Variants in N4BP2L2 observed in about 807,000 individuals in gnomAD.
The protein encoded by N4BP2L2 is NEDD4 binding protein 2 like 2.
Under a neutral mutation model 56.2 loss-of-function variants are expected in N4BP2L2, and 50 were observed. The observed-to-expected ratio is 0.89, with a 90% CI of 0.71 to 1.13. The LOEUF is 1.13. N4BP2L2 is among the 50% of genes most tolerant of loss of function. The pLI, the probability that N4BP2L2 is intolerant of heterozygous loss-of-function variation, is 0.00. For missense variants in N4BP2L2, 689 were observed against 693.8 expected (o/e 0.99, Z 0.08); for synonymous variants, 203 against 223.6 (o/e 0.91, Z 0.82).
chr13:32,516,898 T>C, exon 6 of N4BP2L2: 1 of 984,810 alleles, frequency 1.0e-6, no homozygotes, highest in South Asian at 4.7e-5. Context: ...TGAAATGAAT[T>C]CCATCTCAGT....
At chr13:32,524,546 T>G (rs1256157506) in intron 3 of N4BP2L2, 1 of 152,162 alleles carries the variant, frequency 6.6e-6, no homozygotes, top group Admixed American at 6.5e-5. Context: ...TTTGGAGATG[T>G]TTTCGATTTT....
At chr13:32,492,010 G>T (rs1229306843) in intron 6 of N4BP2L2, among the ~76,000 whole-genome samples, 1 of 152,092 alleles carries the variant, frequency 6.6e-6, no homozygotes, top group Non-Finnish European at 1.5e-5. Flanking sequence ...ATAGAAAAAA[G>T]ATTTCCTTTG....
intron 3 of N4BP2L2, chr13:32,523,364 C>T (rs1399282517): frequency 6.8e-6 from 1 of 146,084 alleles, no homozygotes; most frequent in South Asian, 2.2e-4. Flanking sequence ...AGCACTACAG[C>T]CTGAGCAAAG....
At chr13:32,481,222 A>G (rs1051778660) in intron 6 of N4BP2L2, among the ~76,000 whole-genome samples, 3 of 151,382 alleles carry the variant, frequency 2.0e-5, no homozygotes, top group Admixed American at 2.0e-4. Context: ...CACATCTATT[A>G]ATCAAAATTT....
chr13:32,464,673 A>G (rs911125686), intron 6 of N4BP2L2, among the ~76,000 whole-genome samples: 2 of 152,328 alleles, frequency 1.3e-5, no homozygotes, highest in Non-Finnish European at 1.5e-5. Flanking sequence ...AAATCCCCCT[A>G]TTTGAAATAT....
At chr13:32,481,187 C>G (rs185250988) in intron 6 of N4BP2L2, among the ~76,000 whole-genome samples, 387 of 144,092 alleles carry the variant, frequency 2.7e-3, no homozygotes, top group Middle Eastern at 0.012. Flanking sequence ...CTTTAAAAGT[C>G]CCCTAAATAT....
intron 3 of N4BP2L2, among the ~76,000 whole-genome samples, chr13:32,526,339 G>A (rs1363270660): frequency 6.6e-6 from 1 of 152,178 alleles, no homozygotes; most frequent in African/African-American, 2.4e-5. Context: ...AACAACAGAG[G>A]AGATTCAATT....
chr13:32,489,344 G>A (rs538925464), intron 6 of N4BP2L2, among the ~76,000 whole-genome samples: 1 of 152,144 alleles, frequency 6.6e-6, no homozygotes, highest in Non-Finnish European at 1.5e-5. Context: ...GTTAACTATT[G>A]CCAGTAATAA....
At chr13:32,457,796 C>T (rs766516529) in intron 6 of N4BP2L2, among the ~76,000 whole-genome samples, 2 of 152,122 alleles carry the variant, frequency 1.3e-5, no homozygotes, top group African/African-American at 2.4e-5. Flanking sequence ...ATAAAACTCA[C>T]TGGTAGAGCA....
chr13:32,507,166 C>G (rs917547448), downstream of N4BP2L2: 2 of 152,118 alleles, frequency 1.3e-5, no homozygotes, highest in African/African-American at 4.8e-5. Context: ...TCTCAACTTT[C>G]TAGCTTACAG....
At chr13:32,436,369 G>C in exon 9 of N4BP2L2, 1 of 1,221,046 alleles carries the variant, frequency 8.2e-7, no homozygotes, top group South Asian at 1.5e-5. Context: ...ACAGTTCAAG[G>C]AATTTTCATT....
chr13:32,472,577 C>A (rs1042407525), intron 6 of N4BP2L2, among the ~76,000 whole-genome samples: 14 of 152,110 alleles, frequency 9.2e-5, no homozygotes, highest in African/African-American at 3.4e-4. Flanking sequence ...AAAGCTCCTC[C>A]CTAGAGTAAC....
At chr13:32,507,422 T>C (rs927470827), downstream of N4BP2L2, 5 of 152,230 alleles carry the variant, frequency 3.3e-5, no homozygotes, top group South Asian at 8.3e-4. Context: ...GCTCCTACAG[T>C]ACTACAGGCA....
downstream of N4BP2L2, chr13:32,508,430 G>A (rs1024822981): frequency 2.2e-4 from 33 of 152,110 alleles, no homozygotes; most frequent in African/African-American, 7.0e-4. Context: ...TTCCTGAGAA[G>A]GAAAGAGATG....
chr13:32,442,560 A>G (rs1364450443), exon 7 of N4BP2L2: 4 of 1,613,924 alleles, frequency 2.5e-6, no homozygotes, highest in Non-Finnish European at 2.5e-6. Context: ...TTTCATTTAA[A>G]AAGTGAAAAT....
intron 6 of N4BP2L2, among the ~76,000 whole-genome samples, chr13:32,454,724 C>T (rs934123238): frequency 2.0e-5 from 3 of 152,206 alleles, no homozygotes; most frequent in East Asian, 3.8e-4. Context: ...GGCTTCAAGA[C>T]AGCTGGCTAG....
At chr13:32,538,825 T>G, upstream of N4BP2L2, 1 of 985,396 alleles carries the variant, frequency 1.0e-6, no homozygotes, top group Non-Finnish European at 1.2e-6. Flanking sequence ...AGGCCAAAAC[T>G]AGGCGTTTGC....
intron 6 of N4BP2L2, among the ~76,000 whole-genome samples, chr13:32,476,961 T>C (rs2083463120): frequency 6.6e-6 from 1 of 152,154 alleles, no homozygotes; most frequent in Non-Finnish European, 1.5e-5. Flanking sequence ...TACTGATAAC[T>C]GAGCCAAAGT....
intron 6 of N4BP2L2, among the ~76,000 whole-genome samples, chr13:32,468,621 T>C (rs1219096373): frequency 6.6e-6 from 1 of 152,174 alleles, no homozygotes; most frequent in African/African-American, 2.4e-5. Context: ...TGTGCTTTGG[T>C]CAAGGAATAG....
Sources: allele counts gnomAD v4.1 joint callset (sites outside exome capture counted in the v4.1 genomes callset), GRCh38; gene constraint gnomAD v4.1.1; transcripts MANE v1.5; gene names NCBI Gene and HGNC (gene_info 2026-07-23, HGNC 2026-07-21).